RBFOX1: variants seen among roughly 807,000 people sequenced by gnomAD.
RBFOX1 encodes the protein RNA binding protein fox-1 homolog 1.
In RBFOX1, 8 loss-of-function variants were observed where a neutral mutation model predicts 57.7. The observed-to-expected ratio is 0.14, with a 90% CI of 0.08 to 0.25. The LOEUF (loss-of-function observed/expected upper bound fraction) is 0.25, where lower values mean the gene tolerates loss of function less well. Among genes scored for constraint, RBFOX1 ranks in the 10% least tolerant of loss-of-function variants. The pLI is 1.00. For missense variants in RBFOX1, 611 were observed against 548.5 expected, an observed-to-expected ratio of 1.11 and a Z score of -1.14; for synonymous variants, 326 against 222.4, an observed-to-expected ratio of 1.47 and a Z score of -4.15.
chr16:7,365,932 T>G (rs1438058788), intron 4 of RBFOX1, among the ~76,000 whole-genome samples: 2 of 152,208 alleles, frequency 1.3e-5, no homozygotes, highest in African/African-American at 4.8e-5. Flanking sequence ...ACAAACTAGC[T>G]TCCTGCACAT....
chr16:5,839,620 G>C (rs892732719), intron 3 of RBFOX1, among the ~76,000 whole-genome samples: 28 of 152,296 alleles, frequency 1.8e-4, no homozygotes, highest in African/African-American at 6.7e-4. Flanking sequence ...ACTGGAGTCA[G>C]GTGGTTCCGG....
intron 11 of RBFOX1, among the ~76,000 whole-genome samples, chr16:7,642,620 G>T (rs2063030656): frequency 1.3e-5 from 2 of 152,082 alleles, no homozygotes; most frequent in Non-Finnish European, 2.9e-5. Flanking sequence ...GATAGAACAT[G>T]AATGATTTAA....
At chr16:7,011,224 G>A (rs554450406) in intron 3 of RBFOX1, among the ~76,000 whole-genome samples, 1 of 152,088 alleles carries the variant, frequency 6.6e-6, no homozygotes, top group Non-Finnish European at 1.5e-5. Context: ...TACCATTCCA[G>A]GGCTGGTTCT....
chr16:6,811,103 C>T lies in RBFOX1; in HGVS notation c.-16+156453C>T, dbSNP rs535459840. ...TTTCTGGGATGTTGTGGCTGAGATA[C>T]CTTGATAGAAAAGCCGATTTTGCTG... is the stretch of plus-strand genomic sequence containing the variant. On this transcript the variant is annotated intron_variant, in intron 3 of 15. Coordinates refer to ENST00000550418, the MANE Select transcript of RBFOX1 (RefSeq NM_018723.4). Among the ~76,000 whole-genome samples, 10 of 152,240 alleles carry T rather than the reference C, an allele frequency of 6.6e-5. No homozygotes were observed. In the South Asian group the frequency reaches 2.1e-3, roughly 32 times the overall value.
At chr16:7,225,888 G>T (rs570275586) in intron 4 of RBFOX1, among the ~76,000 whole-genome samples, 4 of 70,284 alleles carry the variant, frequency 5.7e-5, no homozygotes, top group Non-Finnish European at 9.8e-5. Context: ...ATGTACCCTA[G>T]AACTTAAAGT....
At chr16:6,521,894 G>C (rs1007159691) in intron 2 of RBFOX1, among the ~76,000 whole-genome samples, 5 of 152,106 alleles carry the variant, frequency 3.3e-5, no homozygotes, top group African/African-American at 9.7e-5. Flanking sequence ...TTTAATCTGT[G>C]TTTGGGTCTT....
intron 3 of RBFOX1, among the ~76,000 whole-genome samples, chr16:5,753,596 A>G (rs755844287): frequency 7.2e-5 from 11 of 152,136 alleles, no homozygotes; most frequent in Non-Finnish European, 7.3e-5. Flanking sequence ...CCGATTGTGA[A>G]ATTTTAAGGA....
intron 3 of RBFOX1, among the ~76,000 whole-genome samples, chr16:6,789,874 A>G (rs866557508): frequency 1.3e-5 from 2 of 151,296 alleles, no homozygotes; most frequent in Admixed American, 6.6e-5. Context: ...TTTTTTTCTT[A>G]TTTTCAAAAA....
chr16:5,543,424 A>T (rs1231292803), intron 2 of RBFOX1, among the ~76,000 whole-genome samples: 1 of 152,200 alleles, frequency 6.6e-6, no homozygotes, highest in African/African-American at 2.4e-5. Flanking sequence ...CGGATTAGAC[A>T]TTGCCCATAC....
chr16:7,080,889 C>T (rs989936912), intron 4 of RBFOX1, among the ~76,000 whole-genome samples: 1 of 152,190 alleles, frequency 6.6e-6, no homozygotes, highest in South Asian at 2.1e-4. Flanking sequence ...ATAAGTCATT[C>T]CCTCCTTGAC....
At chr16:5,837,865 T>A (rs1346742899) in intron 3 of RBFOX1, among the ~76,000 whole-genome samples, 1 of 152,126 alleles carries the variant, frequency 6.6e-6, no homozygotes, top group East Asian at 1.9e-4. Context: ...CTGTTCTCAA[T>A]AAATCCTTGA....
chr16:7,285,660 T>C (rs1202466071), intron 4 of RBFOX1, among the ~76,000 whole-genome samples: 1 of 152,184 alleles, frequency 6.6e-6, no homozygotes, highest in Non-Finnish European at 1.5e-5. Flanking sequence ...TGACATTTTT[T>C]GATCAACGTA....
chr16:7,456,298 G>C (rs1202395193), intron 4 of RBFOX1, among the ~76,000 whole-genome samples: 1 of 152,158 alleles, frequency 6.6e-6, no homozygotes, highest in African/African-American at 2.4e-5. Context: ...GAAGGTACCT[G>C]GTTCATTCTT....
intron 2 of RBFOX1, among the ~76,000 whole-genome samples, chr16:6,366,235 T>A (rs1410293161): frequency 6.6e-6 from 1 of 152,146 alleles, no homozygotes; most frequent in East Asian, 1.9e-4. Flanking sequence ...ATATATGTCT[T>A]GATATGTATA....
At chr16:5,855,803 C>T (rs187338125) in intron 3 of RBFOX1, among the ~76,000 whole-genome samples, 8 of 151,892 alleles carry the variant, frequency 5.3e-5, no homozygotes, top group Non-Finnish European at 1.0e-4. Context: ...CTGTAGATCA[C>T]TTTGGGTTGT....
At chr16:7,033,944 G>C (rs1168568330) in intron 3 of RBFOX1, among the ~76,000 whole-genome samples, 1 of 152,164 alleles carries the variant, frequency 6.6e-6, no homozygotes, top group East Asian at 1.9e-4. Context: ...ATTTCAGGCT[G>C]GGTGACCAAG....
At chr16:7,039,189 A>G (rs1419635898) in intron 3 of RBFOX1, among the ~76,000 whole-genome samples, 1 of 152,212 alleles carries the variant, frequency 6.6e-6, no homozygotes, top group East Asian at 1.9e-4. Flanking sequence ...CATAAATTAA[A>G]TATGTTAGAG....
chr16:7,109,629 C>T (rs1033658329), intron 4 of RBFOX1, among the ~76,000 whole-genome samples: 1 of 152,076 alleles, frequency 6.6e-6, no homozygotes, highest in Admixed American at 6.6e-5. Context: ...GGAAAGGGCT[C>T]TAAGAGTAGA....
intron 3 of RBFOX1, among the ~76,000 whole-genome samples, chr16:6,698,390 G>C (rs570351360): frequency 4.6e-5 from 7 of 152,272 alleles, no homozygotes; most frequent in Non-Finnish European, 8.8e-5. Flanking sequence ...GGATGGTTTA[G>C]CTACAAAAAC....
Sources: gnomAD v4.1 joint callset for allele counts (sites outside exome capture counted in the v4.1 genomes callset) on GRCh38, gnomAD v4.1.1 for gene constraint, MANE v1.5 for transcripts, NCBI Gene and HGNC (gene_info 2026-07-23, HGNC 2026-07-21) for gene names.